The following USP46 variants were observed in gnomAD, a reference collection of about 807,000 sequenced individuals.
USP46 encodes the protein ubiquitin carboxyl-terminal hydrolase 46.
In USP46, 12 loss-of-function variants were observed where a neutral mutation model predicts 44.4. The observed-to-expected ratio is 0.27, with a 90% confidence interval of 0.17 to 0.44. The LOEUF is 0.44. Among genes scored for constraint, USP46 ranks in the 20% least tolerant of loss-of-function variants. The pLI is 1.00. For synonymous variants in USP46, 155 were observed against 161.5 expected (o/e 0.96, Z 0.31); for missense variants, 248 against 444.8 (o/e 0.56, Z 3.98).
At chr4:52,639,308 A>C (rs1003189661) in intron 1 of USP46, among the ~76,000 whole-genome samples, 1 of 152,234 alleles carries the variant, frequency 6.6e-6, no homozygotes, top group Non-Finnish European at 1.5e-5. Flanking sequence ...GTGTGGATTA[A>C]ACAAGATGAA....
At chr4:52,600,192 T>C (rs952889771) in intron 7 of USP46, among the ~76,000 whole-genome samples, 1 of 152,142 alleles carries the variant, frequency 6.6e-6, no homozygotes, top group African/African-American at 2.4e-5. Flanking sequence ...GTGCTGTGTG[T>C]CTTTTCGTTA....
chr4:52,627,098 TA>T (rs1320063817), intron 3 of USP46, among the ~76,000 whole-genome samples: 1 of 152,154 alleles, frequency 6.6e-6, no homozygotes, highest in African/African-American at 2.4e-5. Context: ...CTCCCTGCCA[TA>T]AGGACAAACA....
Position 52,597,479 on chromosome 4 carries a change from C to A in USP46, c.*161G>T. 1 of 602,696 alleles carries A rather than the reference C, an allele frequency of 1.7e-6. No individual in the cohort carries two copies. The highest frequency in any genetic ancestry group is 2.0e-5 in the South Asian group (1 of 50,792). The allele number at this position is 602,696 out of a possible 1,614,324, so 37.3% of individuals were successfully genotyped here. On this transcript the variant is annotated 3_prime_UTR_variant, in exon 9 of 9. Coordinates refer to ENST00000441222, the MANE Select transcript of USP46 (RefSeq NM_022832.4). ...TGAAATAAAACCAAGAGTAGTGCTGCATGTAAAAACACAAAAGGAGAGAGT... is the reference window on the plus strand; with the variant it reads ...TGAAATAAAACCAAGAGTAGTGCTGAATGTAAAAACACAAAAGGAGAGAGT...
intron 1 of USP46, among the ~76,000 whole-genome samples, chr4:52,638,484 T>C (rs1446014173): frequency 6.6e-6 from 1 of 152,026 alleles, no homozygotes; most frequent in African/African-American, 2.4e-5. Context: ...TTTGTGGTAA[T>C]TTTTACAGCA....
chr4:52,600,857 G>A (rs1312566149), intron 7 of USP46, among the ~76,000 whole-genome samples: 1 of 152,056 alleles, frequency 6.6e-6, no homozygotes, highest in African/African-American at 2.4e-5. Flanking sequence ...TGTTCTTTAG[G>A]GAGAACACCA....
intron 1 of USP46, among the ~76,000 whole-genome samples, chr4:52,633,942 T>C (rs1384506314): frequency 3.9e-5 from 6 of 152,146 alleles, no homozygotes; most frequent in Non-Finnish European, 8.8e-5. Flanking sequence ...GAGCTCTCTG[T>C]GCTTTCAGTG....
At chr4:52,632,989 GAAAAGAAAGAAAGAAAGAAAGAAA>G (rs1717955272) in intron 1 of USP46, among the ~76,000 whole-genome samples, 1 of 31,978 alleles carries the variant, frequency 3.1e-5, no homozygotes, top group Non-Finnish European at 6.9e-5. Context: ...AGAAAGAAAA[GAAAAGAAAGAAAGAAAGAAAGAAA>G]GAAAGAAAGA....
intron 4 of USP46, among the ~76,000 whole-genome samples, chr4:52,621,607 G>C (rs532730777): frequency 6.6e-5 from 10 of 152,072 alleles, no homozygotes; most frequent in African/African-American, 1.9e-4. Flanking sequence ...AGTGAGCCAA[G>C]ATCGTGTTAC....
intron 1 of USP46, among the ~76,000 whole-genome samples, chr4:52,631,781 G>A (rs373405922): frequency 3.9e-5 from 6 of 151,994 alleles, no homozygotes; most frequent in Admixed American, 6.6e-5. Context: ...CGAGGTGAGC[G>A]GATCACTTGA....
intron 4 of USP46, among the ~76,000 whole-genome samples, chr4:52,619,688 C>G (rs1242892707): frequency 6.6e-6 from 1 of 152,168 alleles, no homozygotes; most frequent in East Asian, 1.9e-4. Flanking sequence ...GGCTTTCTAA[C>G]AATTAGAGCT....
chr4:52,593,448 C>T lies in USP46; in HGVS notation c.*4192G>A, dbSNP rs115667430. 347 of 152,580 alleles carry T rather than the reference C, an allele frequency of 2.3e-3. No homozygotes were observed. Among genetic ancestry groups the T allele is most frequent in the Non-Finnish European group, 4.1e-3 (278 of 68,218 alleles). The allele number at this position is 152,580 out of a possible 1,614,324, so 9.5% of individuals were successfully genotyped here. ...TCAACACTTACTGGCACATTCCCTG[C>T]TCTTGGTCTATGAGGTTTTATTCCC... On this transcript the variant is annotated 3_prime_UTR_variant, in exon 9 of 9. Transcript: ENST00000441222.
At position 52,617,607 on chromosome 4, in the gene USP46, T is replaced by C. The variant is rs558953793; in HGVS notation, c.562-6990A>G. Among the ~76,000 whole-genome samples, 18 of 152,312 alleles carry C rather than the reference T, an allele frequency of 1.2e-4. No homozygotes were observed. The South Asian group carries it at 2.7e-3, about 23-fold the overall frequency. ...GGCGCAAAAGCTTTCCGTTTGGATT[T>C]TTCTCTCTCCTTGCCCTAGAATGAC... On this transcript the variant is annotated intron_variant, in intron 4 of 8. Coordinates refer to ENST00000441222, the MANE Select transcript of USP46 (RefSeq NM_022832.4).
chr4:52,636,434 G>A (rs1336065647), intron 1 of USP46, among the ~76,000 whole-genome samples: 1 of 152,034 alleles, frequency 6.6e-6, no homozygotes, highest in Admixed American at 6.6e-5. Flanking sequence ...TTGGCCAGGC[G>A]CGGTGGCTCA....
At chr4:52,626,869 A>G (rs1717611157) in intron 3 of USP46, among the ~76,000 whole-genome samples, 1 of 152,246 alleles carries the variant, frequency 6.6e-6, no homozygotes, top group African/African-American at 2.4e-5. Flanking sequence ...ATAAAATATC[A>G]ATTTTTAATA....
chr4:52,624,846 G>A (rs115738592), intron 4 of USP46, among the ~76,000 whole-genome samples: 4,014 of 152,254 alleles, frequency 0.026, 100 homozygotes, highest in Non-Finnish European at 0.036. Context: ...ACAGCCAGAA[G>A]ACAGCTGTCT....
intron 1 of USP46, among the ~76,000 whole-genome samples, chr4:52,639,749 T>C (rs546855613): frequency 3.4e-4 from 51 of 151,762 alleles, no homozygotes; most frequent in African/African-American, 1.2e-3. Context: ...CAGGCTGGAG[T>C]GCAGTGGTGC....
At position 52,659,069 on chromosome 4, in the gene USP46, C is replaced by A; in HGVS notation, c.36+46G>T. ...TGCAGCTCGGGCTTCCCTTTCTTTG[C>A]CTCGCCGCGAGTCGGGCGCGACCCC... is the stretch of plus-strand genomic sequence containing the variant. On this transcript the variant is annotated intron_variant, in intron 1 of 8. Coordinates refer to ENST00000441222, the MANE Select transcript of USP46 (RefSeq NM_022832.4). The surrounding 1 kb of genome is among the most constrained non-coding windows in gnomAD (Gnocchi z 4.2). 1 of 1,534,096 alleles carries A rather than the reference C, an allele frequency of 6.5e-7. No homozygotes were observed. Among genetic ancestry groups the A allele is most frequent in the East Asian group, 2.7e-5 (1 of 37,202 alleles).
chr4:52,625,900 TTATTTACA>T (rs1717565272), intron 4 of USP46, 110 bp downstream of exon 4: 1 of 1,039,736 alleles, frequency 9.6e-7, no homozygotes, highest in Non-Finnish European at 1.4e-6. Context: ...ATAAATAGGA[TTATTTACA>T]TACACTGCAA....
At position 52,609,572 on chromosome 4, in the gene USP46, G is replaced by T. The variant is rs1406317142; in HGVS notation, c.638+969C>A. The stretch of plus-strand genomic sequence containing the variant: ...ATCACGGAACTCTGAGTGGTGAGTG[G>T]CAACACCTGGCAGGCTTCTCTTTCT... On this transcript the variant is annotated intron_variant, in intron 5 of 8. Coordinates refer to ENST00000441222, the MANE Select transcript of USP46 (RefSeq NM_022832.4). Among the ~76,000 whole-genome samples the T allele has an allele frequency of 6.5e-4, 99 of 152,202 alleles. 1 individual carries two copies.
Sources: gnomAD v4.1 joint callset for allele counts (sites outside exome capture counted in the v4.1 genomes callset) on GRCh38, gnomAD v4.1.1 for gene constraint, Gnocchi (gnomAD v3.1) non-coding constraint, MANE v1.5 for transcripts, NCBI Gene and HGNC (gene_info 2026-07-23, HGNC 2026-07-21) for gene names.